Variants in DDX27 observed in about 807,000 individuals in gnomAD.
DDX27 encodes the protein DEAD-box helicase 27.
In DDX27, 42 loss-of-function variants were observed where a neutral mutation model predicts 99.3. The observed-to-expected ratio is 0.42, with a 90% CI of 0.33 to 0.55. The LOEUF is 0.55. DDX27 is among the 20% of genes least tolerant of loss of function. The probability of loss-of-function intolerance (pLI) is 0.07; values close to 1 mark genes in which losing one functional copy is unlikely to be tolerated. For missense variants in DDX27, 798 were observed against 976.8 expected, an observed-to-expected ratio of 0.82 and a Z score of 2.44; for synonymous variants, 329 against 353.8, an observed-to-expected ratio of 0.93 and a Z score of 0.79.
At chr20:49,240,941 G>A (rs142805874) in intron 16 of DDX27, among the ~76,000 whole-genome samples, 2 of 152,158 alleles carry the variant, frequency 1.3e-5, no homozygotes, top group East Asian at 3.9e-4. Flanking sequence ...CTGAGCCTGG[G>A]GAGGTCAAGG....
chr20:49,224,824 G>A (rs560418363), intron 4 of DDX27, 121 bp from the exon 5 acceptor site: 2 of 1,045,132 alleles, frequency 1.9e-6, no homozygotes, highest in African/African-American at 3.2e-5. Flanking sequence ...TGTGAAACAA[G>A]GTTGACGATG....
At chr20:49,227,427 C>T (rs1012455014) in intron 7 of DDX27, among the ~76,000 whole-genome samples, 12 of 151,982 alleles carry the variant, frequency 7.9e-5, no homozygotes, top group South Asian at 4.2e-4. Context: ...AGTGCGGTGG[C>T]GCAATCTCGG....
At chr20:49,226,304 ATGTT>A in intron 6 of DDX27, 122 bp from the exon 7 acceptor site, 1 of 620,640 alleles carries the variant, frequency 1.6e-6, no homozygotes, top group Middle Eastern at 3.4e-4. Flanking sequence ...CGTTCAGTGA[ATGTT>A]TGTGGAACGA....
At chr20:49,226,904 C>T (rs1286730506) in intron 7 of DDX27, among the ~76,000 whole-genome samples, 1 of 120,274 alleles carries the variant, frequency 8.3e-6, no homozygotes, top group African/African-American at 3.1e-5. Flanking sequence ...GCTCTGTCGC[C>T]CAGGCTGGAG....
intron 8 of DDX27, among the ~76,000 whole-genome samples, chr20:49,229,735 A>G (rs977197895): frequency 6.9e-6 from 1 of 143,906 alleles, no homozygotes; most frequent in Non-Finnish European, 1.5e-5. Flanking sequence ...TGCAACCTCC[A>G]CCTCCTGGGT....
In DDX27 at chr20:49,241,957, G is replaced by C; in HGVS notation, c.1962G>C (p.Met654Ile). 2 of 1,613,686 alleles carry C rather than the reference G, an allele frequency of 1.2e-6. No individual in the cohort carries two copies. Among genetic ancestry groups the C allele is most frequent in the Non-Finnish European group, 1.7e-6 (2 of 1,179,932 alleles). ...LRGKKKRKKF[M>I]KDAKKKGEMT... is the part of the protein sequence containing the mutation. ...GAAAGAAGAAAAGGAAGAAGTTTAT[G>C]AAGGATGCCAAAAAAAAGGGGGAGA... Residue 654 changes from methionine (M) to isoleucine (I), a missense_variant, in exon 17 of 21, where the codon ATG becomes ATC. Around this residue, in one of 2 missense-constraint regions of DDX27, gnomAD observed 553 missense variants for 727.9 expected, o/e 0.76. Transcript: ENST00000618172.
chr20:49,234,891 A>G, intron 11 of DDX27, 44 bp from the exon 12 acceptor site: 1 of 1,544,670 alleles, frequency 6.5e-7, no homozygotes. Flanking sequence ...ATGTTGAATA[A>G]GAGCCTAGAA....
At chr20:49,239,368 A>C (rs1222608040) in intron 16 of DDX27, 30 bp downstream of exon 16, 3 of 1,529,854 alleles carry the variant, frequency 2.0e-6, no homozygotes, top group African/African-American at 2.7e-5. Flanking sequence ...CAGAAATCTA[A>C]ATACAGAATT....
intron 19 of DDX27, among the ~76,000 whole-genome samples, 197 bp from the exon 20 acceptor site, chr20:49,243,432 C>A (rs573136063): frequency 1.3e-4 from 20 of 152,280 alleles, no homozygotes; most frequent in African/African-American, 4.3e-4. Context: ...CCTCTTCCAA[C>A]CTTGTTTTAA....
intron 8 of DDX27, among the ~76,000 whole-genome samples, chr20:49,229,650 CTTT>C (rs71186442): frequency 2.2e-5 from 3 of 134,332 alleles, no homozygotes; most frequent in Non-Finnish European, 3.1e-5. Context: ...CAGGCATTCT[CTTT>C]TTTTTTTTTT....
At chr20:49,225,453 CTTTTTTT>C (rs772387461) in intron 6 of DDX27, among the ~76,000 whole-genome samples, 4 of 107,300 alleles carry the variant, frequency 3.7e-5, no homozygotes, top group African/African-American at 1.1e-4. Flanking sequence ...AGAGAACTCC[CTTTTTTT>C]TTTTTTTTTT....
chr20:49,229,848 G>A (rs932504539), intron 8 of DDX27, among the ~76,000 whole-genome samples: 6 of 152,108 alleles, frequency 3.9e-5, no homozygotes, highest in African/African-American at 2.4e-5. Flanking sequence ...GTTTCGCCAT[G>A]TTGGGTAGGC....
intron 7 of DDX27, among the ~76,000 whole-genome samples, chr20:49,227,394 T>C (rs540671137): frequency 2.6e-5 from 4 of 152,092 alleles, no homozygotes; most frequent in African/African-American, 7.2e-5. Context: ...TGAGATGGAG[T>C]CTCACTCTGT....
At chr20:49,236,000 C>T in intron 12 of DDX27, 150 bp from the exon 13 acceptor site, 1 of 598,050 alleles carries the variant, frequency 1.7e-6, no homozygotes, top group Non-Finnish European at 2.8e-6. Context: ...ACCTCGGCCT[C>T]CCAAAGTGCT....
Position 49,243,805 on chromosome 20 carries a change from T to C in DDX27, c.2280-11T>C, listed in dbSNP as rs748273867. 17 of 1,614,084 alleles carry C rather than the reference T, an allele frequency of 1.1e-5. No homozygotes were observed. Among genetic ancestry groups the C allele is most frequent in the Admixed American group, 8.3e-5 (5 of 60,006 alleles). ...ATCCTCATTCTGGTCTTAACTCTGA[T>C]TTTCTTACAGATACAAGAGGAGGAA... On this transcript the variant is annotated splice_polypyrimidine_tract_variant and intron_variant, in intron 20 of 20. Transcript: ENST00000618172.
At chr20:49,229,494 C>T (rs1980024236) in intron 8 of DDX27, among the ~76,000 whole-genome samples, 1 of 152,074 alleles carries the variant, frequency 6.6e-6, no homozygotes, top group African/African-American at 2.4e-5. Flanking sequence ...CTTTGGGCAG[C>T]GTTTTTCCAA....
chr20:49,226,554 C>G lies in DDX27; in HGVS notation c.706+19C>G. On this transcript the variant is annotated intron_variant, in intron 7 of 20. Transcript: ENST00000618172. ...GGGACAGGTGAAAAGGATAGGGACC[C>G]AGGGTGGGCAGAAGGGTGTTACGGC... 6.2e-7 allele frequency: 1 copy of G among 1,600,016 alleles called. No individual in the cohort carries two copies. Among genetic ancestry groups the G allele is most frequent in the Non-Finnish European group, 8.6e-7 (1 of 1,168,486 alleles).
rs1300702111 is a variant in DDX27 at position 49,234,759 on chromosome 20, C to T, written c.1274-176C>T. 7.7e-6 allele frequency: 5 copies of T among 648,478 alleles called. No individual in the cohort carries two copies. The Admixed American group carries it at 1.8e-4, about 24-fold the overall frequency. The allele number at this position is 648,478 out of a possible 1,614,324, so 40.2% of individuals were successfully genotyped here. A position where few individuals can be genotyped will look rare whatever the true frequency, so the allele number is the denominator to read the frequency against. ...CTGCACTCTCTCTCACAGCATTTTT[C>T]ACCCCCCAGGAATTGGCTTCTCTGT... On this transcript the variant is annotated intron_variant, in intron 11 of 20. Coordinates refer to ENST00000618172, the MANE Select transcript of DDX27 (RefSeq NM_017895.8).
At chr20:49,221,881 T>G (rs1329522985) in intron 2 of DDX27, among the ~76,000 whole-genome samples, 1 of 150,352 alleles carries the variant, frequency 6.7e-6, no homozygotes, top group Non-Finnish European at 1.5e-5. Context: ...GTATGAGCAC[T>G]TGCCAGGTGG....
Sources: allele counts gnomAD v4.1 joint callset (sites outside exome capture counted in the v4.1 genomes callset), GRCh38; gene constraint gnomAD v4.1.1; regional missense constraint gnomAD v4.1.1; transcripts MANE v1.5; gene names NCBI Gene and HGNC (gene_info 2026-07-23, HGNC 2026-07-21).